PLPP7: variants seen among roughly 807,000 people sequenced by gnomAD.
The protein encoded by PLPP7 is phospholipid phosphatase 7 (inactive), also known as inactive phospholipid phosphatase 7.
Under a neutral mutation model 16.9 loss-of-function variants are expected in PLPP7, and 11 were observed. The ratio of observed to expected loss-of-function variants is 0.65; its 90% CI spans 0.41 to 1.08. The LOEUF (loss-of-function observed/expected upper bound fraction) is 1.08, where lower values mean the gene tolerates loss of function less well. PLPP7 is among the 50% of genes least tolerant of loss of function. The pLI, the probability that PLPP7 is intolerant of heterozygous loss-of-function variation, is 0.00. For missense variants in PLPP7, 358 were observed against 397.1 expected (o/e 0.90, Z 0.84); for synonymous variants, 174 against 175.1 (o/e 0.99, Z 0.05).
chr9:131,294,134 C>T (rs1835710610), intron 1 of PLPP7, among the ~76,000 whole-genome samples: 1 of 152,154 alleles, frequency 6.6e-6, no homozygotes, highest in African/African-American at 2.4e-5. Context: ...TGCACACTGT[C>T]AAGACTCTAG....
chr9:131,304,721 C>A (rs1363534665), intron 1 of PLPP7, among the ~76,000 whole-genome samples: 1 of 152,232 alleles, frequency 6.6e-6, no homozygotes, highest in East Asian at 1.9e-4. Context: ...CGTTTGGAGA[C>A]TGTGGCTCTG....
In PLPP7 at chr9:131,290,100, C is replaced by A. The variant is rs1282135827; in HGVS notation, c.103C>A (p.Pro35Thr). 2 of 1,521,348 alleles carry A rather than the reference C, an allele frequency of 1.3e-6. No individual in the cohort carries two copies. The highest frequency in any genetic ancestry group is 2.6e-5 in the South Asian group (2 of 77,414). The allele number at this position is 1,521,348 out of a possible 1,614,324, so 94.2% of individuals were successfully genotyped here. A position where few individuals can be genotyped will look rare whatever the true frequency, so the allele number is the denominator to read the frequency against. The part of the protein sequence containing the change: ...LNQPPKGGPE[P>T]RSSGRKASGP... ...CCAGCCCCCCAAGGGGGGCCCGGAG[C>A]CCCGCAGCTCGGGCAGAAAGGCCTC... The change falls in exon 1 of 2, where the codon CCC (proline) becomes ACC (threonine). Residue 35 changes from proline (P) to threonine (T), a missense_variant. Coordinates refer to ENST00000372264, the MANE Select transcript of PLPP7 (RefSeq NM_032728.4). This position sits in a 1 kb window ranked among gnomAD's most constrained non-coding sequence, Gnocchi z 4.2.
intron 1 of PLPP7, chr9:131,291,035 A>C: frequency 7.4e-7 from 1 of 1,350,444 alleles, no homozygotes; most frequent in South Asian, 1.1e-5. Flanking sequence ...TCCCAGGGGG[A>C]GTCACTGGAG....
Position 131,290,810 on chromosome 9 carries a change from G to A in PLPP7, c.451+362G>A, listed in dbSNP as rs983507852. On this transcript the variant is annotated intron_variant, in intron 1 of 1. Coordinates refer to ENST00000372264, the MANE Select transcript of PLPP7 (RefSeq NM_032728.4). This position sits in a 1 kb window ranked among gnomAD's most constrained non-coding sequence, Gnocchi z 4.2. ...GGGCTCTGGTGGGCATCCTGGAATG[G>A]GGTGTCACTGTTTGACTCCTGCCCC... 1.3e-5 allele frequency among the ~76,000 whole-genome samples: 2 copies of A among 152,194 alleles called. No individual in the cohort carries two copies. Among genetic ancestry groups the A allele is most frequent in the African/African-American group, 4.8e-5 (2 of 41,454 alleles).
intron 1 of PLPP7, chr9:131,291,110 G>T: frequency 7.3e-7 from 1 of 1,366,564 alleles, no homozygotes; most frequent in Non-Finnish European, 9.8e-7. Context: ...ATGTCTTGCA[G>T]ATTAGCACCG....
chr9:131,303,488 C>CTTTTTTTT (rs5900928), intron 1 of PLPP7, among the ~76,000 whole-genome samples: 1 of 143,922 alleles, frequency 6.9e-6, no homozygotes, highest in Non-Finnish European at 1.5e-5. Flanking sequence ...TCTTCTGTGT[C>CTTTTTTTT]TTTTTTTTTT....
chr9:131,290,987 C>G lies in PLPP7; in HGVS notation c.451+539C>G. ...ACCCAGGGAGTTCCCCTGGGACTGCCACCCACTCACAGCCCCCTGGAGTTC... is the reference window on the plus strand; with the variant it reads ...ACCCAGGGAGTTCCCCTGGGACTGCGACCCACTCACAGCCCCCTGGAGTTC... On this transcript the variant is annotated intron_variant, in intron 1 of 1. Transcript: ENST00000372264. The surrounding 1 kb of genome is among the most constrained non-coding windows in gnomAD (Gnocchi z 4.2). The G allele has an allele frequency of 8.8e-7, 1 of 1,132,204 alleles. No individual in the cohort carries two copies. The highest frequency in any genetic ancestry group is 1.2e-6 in the Non-Finnish European group (1 of 812,704). 70.1% of individuals were successfully genotyped at this position (1,132,204 alleles called of 1,614,324 possible). A position where few individuals can be genotyped will look rare whatever the true frequency, so the allele number is the denominator to read the frequency against.
Position 131,290,078 on chromosome 9 carries a change from GC to G in PLPP7, c.87del (p.Lys30ArgfsTer44). 6.7e-7 allele frequency: 1 copy of G among 1,498,356 alleles called. No individual in the cohort carries two copies. The highest frequency in any genetic ancestry group is 2.4e-5 in the East Asian group (1 of 40,886). 92.8% of individuals were successfully genotyped at this position (1,498,356 alleles called of 1,614,324 possible). On this transcript the variant is annotated frameshift_variant, in exon 1 of 2. Transcript: ENST00000372264. LOFTEE classifies it high-confidence loss of function. This position sits in a 1 kb window ranked among gnomAD's most constrained non-coding sequence, Gnocchi z 4.2. ...GGGCTGAGTTCCTGTCCCTGAACCA[GC>G]CCCCCAAGGGGGGCCCGGAGCCCCG... is the stretch of plus-strand genomic sequence containing the variant. ...NRAEFLSLNQ[P>X]PKGGPEPRSS...
rs555706619 is a variant in PLPP7, at chr9:131,296,257, TGGG to T, written c.451+5812_451+5814del. 4.9e-3 allele frequency among the ~76,000 whole-genome samples: 745 copies of T among 152,274 alleles called. 6 individuals carry two copies. The highest frequency in any genetic ancestry group is 4.4e-3 in the Non-Finnish European group (301 of 68,024). On this transcript the variant is annotated intron_variant, in intron 1 of 1. Transcript: ENST00000372264. The stretch of plus-strand genomic sequence containing the variant: ...TTTTTGTTTGTTTTTTGTTTCGTTT[TGGG>T]GGTTTTAGTTTGTTTGTTTTCTGAG...
Position 131,295,404 on chromosome 9 carries a change from A to G in PLPP7, c.451+4956A>G, listed in dbSNP as rs894775856. Among the ~76,000 whole-genome samples the G allele has an allele frequency of 6.6e-6, 1 of 151,906 alleles. No homozygotes were observed. Among genetic ancestry groups the G allele is most frequent in the Non-Finnish European group, 1.5e-5 (1 of 67,940 alleles). ...GTTGACCTGATGATCCACCTGCATC[A>G]GCTTCCCAAAGTGCTGGGATCACAG... On this transcript the variant is annotated intron_variant, in intron 1 of 1. Transcript: ENST00000372264. The surrounding 1 kb of genome is among the most constrained non-coding windows in gnomAD (Gnocchi z 4.0).
chr9:131,290,315 G>T lies in PLPP7; in HGVS notation c.318G>T (p.Trp106Cys), dbSNP rs767555885. Reference protein sequence around the residue: ...LGVCAGRAASWASARSMVKLI... With the variant: ...LGVCAGRAASCASARSMVKLI... ...TGTGCGCTGGCCGGGCGGCGTCCTG[G>T]GCCAGTGCCCGCTCCATGGTCAAGC... The change falls in exon 1 of 2, where the codon TGG becomes TGT. Residue 106 changes from tryptophan (W) to cysteine (C), a missense_variant. Transcript: ENST00000372264. This position sits in a 1 kb window ranked among gnomAD's most constrained non-coding sequence, Gnocchi z 4.2. The T allele has an allele frequency of 5.6e-6, 9 of 1,611,838 alleles. No homozygotes were observed. In the South Asian group the frequency reaches 9.9e-5, roughly 18 times the overall value.
chr9:131,296,677 GA>G (rs765285108), intron 1 of PLPP7, among the ~76,000 whole-genome samples: 25 of 152,324 alleles, frequency 1.6e-4, no homozygotes, highest in Admixed American at 3.9e-4. Context: ...CGTGCCCCTG[GA>G]TTTTTCCCCG....
At chr9:131,303,207 T>C (rs963917562) in intron 1 of PLPP7, among the ~76,000 whole-genome samples, 1 of 151,850 alleles carries the variant, frequency 6.6e-6, no homozygotes, top group South Asian at 2.1e-4. Flanking sequence ...TAGCACACAC[T>C]TGTAATCCCA....
intron 1 of PLPP7, among the ~76,000 whole-genome samples, chr9:131,304,397 G>C (rs555472422): frequency 2.0e-5 from 3 of 152,344 alleles, no homozygotes; most frequent in Admixed American, 6.5e-5. Context: ...CTTTTTGGGA[G>C]GCGGAGGTGG....
At chr9:131,296,816 G>A (rs763141303) in intron 1 of PLPP7, among the ~76,000 whole-genome samples, 1 of 152,196 alleles carries the variant, frequency 6.6e-6, no homozygotes, top group Non-Finnish European at 1.5e-5. Context: ...CCAGCATGAG[G>A]GGTTCAGATG....
intron 1 of PLPP7, among the ~76,000 whole-genome samples, chr9:131,304,627 T>C (rs1835833873): frequency 6.6e-6 from 1 of 151,942 alleles, no homozygotes. Flanking sequence ...AGAGTGAGAC[T>C]CTGTCTCAAA....
At chr9:131,293,860 G>C (rs1486980757) in intron 1 of PLPP7, among the ~76,000 whole-genome samples, 2 of 152,116 alleles carry the variant, frequency 1.3e-5, no homozygotes, top group African/African-American at 4.8e-5. Flanking sequence ...GGGGGAGGGA[G>C]CCCTACCTAG....
intron 1 of PLPP7, among the ~76,000 whole-genome samples, chr9:131,302,122 AC>A (rs1251670560): frequency 6.6e-6 from 1 of 151,758 alleles, no homozygotes; most frequent in Non-Finnish European, 1.5e-5. Flanking sequence ...CCCGGCCAGA[AC>A]TTGTTCTTAA....
chr9:131,289,885 G>T lies in PLPP7; in HGVS notation c.-113G>T. ...CCACACTATATTTAACAGCTGCGGC[G>T]GAGAAGGCAGGGAGGCAGCCACGGT... On this transcript the variant is annotated 5_prime_UTR_variant, in exon 1 of 2. Transcript: ENST00000372264. 1 of 807,448 alleles carries T rather than the reference G, an allele frequency of 1.2e-6. No individual in the cohort carries two copies. Among genetic ancestry groups the T allele is most frequent in the Non-Finnish European group, 1.7e-6 (1 of 572,504 alleles). 50.0% of individuals were successfully genotyped at this position (807,448 alleles called of 1,614,324 possible).
Sources: allele counts gnomAD v4.1 joint callset (sites outside exome capture counted in the v4.1 genomes callset), GRCh38; gene constraint gnomAD v4.1.1; non-coding constraint Gnocchi (gnomAD v3.1); transcripts MANE v1.5; gene names NCBI Gene and HGNC (gene_info 2026-07-23, HGNC 2026-07-21).